Variants in SBK1 observed in about 807,000 individuals in gnomAD.
SBK1 encodes serine/threonine-protein kinase SBK1.
Under a neutral mutation model 24.4 loss-of-function variants are expected in SBK1, and 11 were observed. The observed-to-expected ratio is 0.45, with a 90% confidence interval of 0.28 to 0.75. SBK1 has a LOEUF of 0.75. Among genes scored for constraint, SBK1 ranks in the 30% least tolerant of loss-of-function variants. The pLI is 0.12. For synonymous variants in SBK1, 308 were observed against 284.4 expected, an observed-to-expected ratio of 1.08 and a Z score of -0.83; for missense variants, 467 against 620.5, an observed-to-expected ratio of 0.75 and a Z score of 2.63.
chr16:28,314,927 C>T (rs2044782555), intron 1 of SBK1, among the ~76,000 whole-genome samples: 1 of 152,106 alleles, frequency 6.6e-6, no homozygotes, highest in South Asian at 2.1e-4. Context: ...TGCAAAAAGC[C>T]AAGATCACAC....
chr16:28,280,141 ATATATATATG>A (rs2044521875), intron 1 of SBK1, among the ~76,000 whole-genome samples: 1 of 58,240 alleles, frequency 1.7e-5, no homozygotes, highest in African/African-American at 4.6e-5. Context: ...ATATATATAT[ATATATATATG>A]TGTGTGTGTG....
At chr16:28,284,018 C>A (rs1406048848) in intron 1 of SBK1, among the ~76,000 whole-genome samples, 1 of 152,222 alleles carries the variant, frequency 6.6e-6, no homozygotes, top group Non-Finnish European at 1.5e-5. Flanking sequence ...GATGCAGTAA[C>A]CCTGAGCAGC....
chr16:28,276,615 A>C (rs2044494894), intron 1 of SBK1, among the ~76,000 whole-genome samples: 2 of 151,994 alleles, frequency 1.3e-5, no homozygotes, highest in South Asian at 4.1e-4. Context: ...GGTAGTGAGA[A>C]AGTGCTGCAG....
chr16:28,320,757 G>T lies in SBK1; in HGVS notation c.1111G>T (p.Gly371Trp). The T allele has an allele frequency of 7.8e-7, 1 of 1,289,094 alleles. No homozygotes were observed. The highest frequency in any genetic ancestry group is 1.6e-5 in the African/African-American group (1 of 62,346). The allele number at this position is 1,289,094 out of a possible 1,614,324, so 79.9% of individuals were successfully genotyped here. Residue 371 changes from glycine to tryptophan, a missense_variant, in exon 4 of 4, where the codon GGG becomes TGG. By Grantham distance (184) the Gly-to-Trp change is radical (BLOSUM62 -2). Transcript: ENST00000341901. The surrounding 1 kb of genome is among the most constrained non-coding windows in gnomAD (Gnocchi z 8.5). ...SGSRPAPPAV[G>W]SVPLPVPVPV... ...CTCCCGGCCCGCGCCCCCCGCCGTCGGGTCGGTGCCCTTGCCCGTGCCGGT... is the reference window on the plus strand; with the variant it reads ...CTCCCGGCCCGCGCCCCCCGCCGTCTGGTCGGTGCCCTTGCCCGTGCCGGT...
rs865997456 is a variant in SBK1 at position 28,261,478 on chromosome 16, C to A, written c.257+1976C>A. 4.4e-4 allele frequency among the ~76,000 whole-genome samples: 61 copies of A among 138,076 alleles called. 1 individual carries two copies. Among genetic ancestry groups the A allele is most frequent in the African/African-American group, 1.6e-3 (58 of 36,298 alleles). 90.6% of individuals were successfully genotyped at this position (138,076 alleles called of 152,430 possible). The stretch of plus-strand genomic sequence containing the variant: ...ACACACACACACACACACACACACA[C>A]AATTAGCCAGGCATGGTGGCATGCA... On this transcript the variant is annotated intron_variant, in intron 1 of 3. Coordinates refer to the SBK1 transcript ENST00000671413.
upstream of SBK1, chr16:28,291,784 T>G (rs1382974979): frequency 6.6e-6 from 1 of 152,284 alleles, no homozygotes; most frequent in East Asian, 1.9e-4. Context: ...TAGAATCTCC[T>G]TTCTTCCCTT....
At chr16:28,278,680 G>A (rs955932918) in intron 1 of SBK1, among the ~76,000 whole-genome samples, 11 of 152,132 alleles carry the variant, frequency 7.2e-5, no homozygotes, top group Non-Finnish European at 1.5e-4. Flanking sequence ...CTGATGGGCC[G>A]GTGGGGCATG....
At chr16:28,303,781 G>A (rs962891546) in intron 1 of SBK1, among the ~76,000 whole-genome samples, 5 of 152,108 alleles carry the variant, frequency 3.3e-5, no homozygotes, top group African/African-American at 1.2e-4. Flanking sequence ...GCCTCCCAAA[G>A]TGCTGGGATT....
upstream of SBK1, among the ~76,000 whole-genome samples, chr16:28,289,692 G>A (rs148029650): frequency 6.4e-3 from 969 of 151,876 alleles, 7 homozygotes; most frequent in African/African-American, 0.022. Context: ...ACTTGAACCC[G>A]GGAGACGGAG....
chr16:28,260,007 C>T (rs1306542508), intron 1 of SBK1, among the ~76,000 whole-genome samples: 3 of 152,142 alleles, frequency 2.0e-5, no homozygotes, highest in Non-Finnish European at 2.9e-5. Flanking sequence ...ACCTTTCCAT[C>T]CTGCACTGCA....
intron 1 of SBK1, among the ~76,000 whole-genome samples, chr16:28,309,938 G>A (rs540327327): frequency 6.6e-6 from 1 of 152,326 alleles, no homozygotes; most frequent in African/African-American, 2.4e-5. Context: ...GGACTCCAAA[G>A]TAGGCCTGAG....
intron 1 of SBK1, among the ~76,000 whole-genome samples, chr16:28,277,328 CAT>C (rs2044499877): frequency 6.7e-6 from 1 of 150,138 alleles, no homozygotes; most frequent in Admixed American, 6.7e-5. Context: ...ACGGTGTAAA[CAT>C]AGAGACAGAG....
At chr16:28,287,448 CAAAA>C in intron 1 of SBK1, among the ~76,000 whole-genome samples, 1 of 80,168 alleles carries the variant, frequency 1.2e-5, no homozygotes, top group African/African-American at 4.5e-5. Context: ...GACTCCATCT[CAAAA>C]AAAAAAAAAA....
intron 1 of SBK1, among the ~76,000 whole-genome samples, chr16:28,314,446 C>T (rs917063975): frequency 2.0e-5 from 3 of 151,578 alleles, no homozygotes; most frequent in Non-Finnish European, 4.4e-5. Flanking sequence ...CGTGAGCTAC[C>T]TTGAGTGGCC....
chr16:28,294,173 A>AT (rs2044622423), intron 1 of SBK1, among the ~76,000 whole-genome samples: 1 of 152,148 alleles, frequency 6.6e-6, no homozygotes, highest in East Asian at 1.9e-4. Flanking sequence ...GCCGTACCCC[A>AT]GCCTGGCCCT....
chr16:28,316,524 G>A (rs1296655027), intron 1 of SBK1, among the ~76,000 whole-genome samples: 2 of 152,142 alleles, frequency 1.3e-5, no homozygotes, highest in Admixed American at 6.5e-5. Flanking sequence ...TAGTGCTTTG[G>A]GAGGCTGAGG....
intron 1 of SBK1, among the ~76,000 whole-genome samples, chr16:28,298,297 A>C (rs1218508631): frequency 6.6e-6 from 1 of 152,220 alleles, no homozygotes; most frequent in Admixed American, 6.5e-5. Context: ...TCAGGGTTGG[A>C]GAGGAAGCAG....
At chr16:28,276,273 G>C (rs767808250) in intron 1 of SBK1, among the ~76,000 whole-genome samples, 2 of 152,112 alleles carry the variant, frequency 1.3e-5, no homozygotes, top group African/African-American at 4.8e-5. Context: ...GCGGAATCTC[G>C]GGCCTCACCA....
chr16:28,281,867 G>C (rs1031111733), intron 1 of SBK1, among the ~76,000 whole-genome samples: 3 of 152,072 alleles, frequency 2.0e-5, no homozygotes, highest in Non-Finnish European at 4.4e-5. Context: ...GGCAGGCTCT[G>C]GGGGGTGGCA....
Sources: gnomAD v4.1 joint callset for allele counts (sites outside exome capture counted in the v4.1 genomes callset) on GRCh38, gnomAD v4.1.1 for gene constraint, Gnocchi (gnomAD v3.1) non-coding constraint, MANE v1.5 for transcripts, NCBI Gene and HGNC (gene_info 2026-07-23, HGNC 2026-07-21) for gene names.